The following CCDC192 variants were observed in gnomAD, a reference collection of about 807,000 sequenced individuals.
The protein encoded by CCDC192 is coiled-coil domain containing 192.
chr5:127,828,505 C>T (rs1210488197), intron 5 of CCDC192, among the ~76,000 whole-genome samples: 1 of 152,198 alleles, frequency 6.6e-6, no homozygotes, highest in South Asian at 2.1e-4. Context: ...GAGCCAGGCT[C>T]TGTGCACACA....
chr5:127,720,480 T>C (rs2126797956), intron 2 of CCDC192, among the ~76,000 whole-genome samples: 1 of 152,272 alleles, frequency 6.6e-6, no homozygotes, highest in Non-Finnish European at 1.5e-5. Flanking sequence ...TGGCATTGAG[T>C]GTGCCTGCAG....
At chr5:127,792,291 C>T (rs550771182) in intron 3 of CCDC192, among the ~76,000 whole-genome samples, 1 of 152,142 alleles carries the variant, frequency 6.6e-6, no homozygotes, top group South Asian at 2.1e-4. Flanking sequence ...GCAAACATGT[C>T]CTTCTTCATA....
At chr5:127,720,294 T>G (rs1323400391) in intron 2 of CCDC192, among the ~76,000 whole-genome samples, 1 of 152,212 alleles carries the variant, frequency 6.6e-6, no homozygotes. Flanking sequence ...AAAGGCCCCA[T>G]GCAAGTCCAA....
At chr5:127,920,988 G>A (rs1332387467) in intron 6 of CCDC192, among the ~76,000 whole-genome samples, 1 of 151,834 alleles carries the variant, frequency 6.6e-6, no homozygotes, top group Non-Finnish European at 1.5e-5. Flanking sequence ...AGTGAGTCAT[G>A]CTTGTACCAC....
At chr5:127,854,350 C>T (rs551942187) in intron 5 of CCDC192, among the ~76,000 whole-genome samples, 29 of 152,230 alleles carry the variant, frequency 1.9e-4, no homozygotes, top group Middle Eastern at 6.8e-3. Context: ...TACGGTTGCG[C>T]CTTCTGCAGT....
intron 5 of CCDC192, among the ~76,000 whole-genome samples, chr5:127,843,461 G>A (rs563960828): frequency 3.4e-5 from 5 of 145,858 alleles, no homozygotes; most frequent in African/African-American, 1.0e-4. Flanking sequence ...TTTTTGAGAC[G>A]GAATCTTGCT....
At chr5:127,861,157 T>G (rs1294322146) in intron 5 of CCDC192, among the ~76,000 whole-genome samples, 1 of 151,774 alleles carries the variant, frequency 6.6e-6, no homozygotes, top group Admixed American at 6.6e-5. Context: ...TACAGGCATG[T>G]GCCACCATGC....
intron 5 of CCDC192, among the ~76,000 whole-genome samples, chr5:127,819,587 A>C (rs183499808): frequency 2.0e-4 from 31 of 152,328 alleles, no homozygotes; most frequent in Admixed American, 7.8e-4. Flanking sequence ...CATCTTAGCA[A>C]ACATTTAATG....
chr5:127,761,888 A>G lies in CCDC192; in HGVS notation c.222+7513A>G, dbSNP rs1031324415. 3.9e-5 allele frequency among the ~76,000 whole-genome samples: 6 copies of G among 152,292 alleles called. No homozygotes were observed. In the East Asian group the frequency reaches 9.6e-4, roughly 24 times the overall value. On this transcript the variant is annotated intron_variant, in intron 3 of 6. Transcript: ENST00000514853. ...TGAATCATTTTATGCCTAAGGCCCT[A>G]ACAAAACTCCCATTATTTCTCTCTT...
chr5:127,761,811 C>G (rs1754948697), intron 3 of CCDC192, among the ~76,000 whole-genome samples: 1 of 152,008 alleles, frequency 6.6e-6, no homozygotes, highest in Non-Finnish European at 1.5e-5. Context: ...ACAAACAACG[C>G]CCCACCAAAA....
intron 5 of CCDC192, among the ~76,000 whole-genome samples, chr5:127,836,314 G>A (rs1292774490): frequency 6.6e-6 from 1 of 152,184 alleles, no homozygotes; most frequent in Non-Finnish European, 1.5e-5. Context: ...GCTTTGCAGG[G>A]TACAGCTTCC....
chr5:127,716,625 G>A (rs1054504450), intron 2 of CCDC192, among the ~76,000 whole-genome samples: 2 of 152,116 alleles, frequency 1.3e-5, no homozygotes, highest in Non-Finnish European at 2.9e-5. Flanking sequence ...TAGGTTGTAT[G>A]TGTCCAGGAA....
chr5:127,894,470 C>T (rs1334021096), intron 6 of CCDC192, among the ~76,000 whole-genome samples: 4 of 152,028 alleles, frequency 2.6e-5, no homozygotes, highest in Admixed American at 6.5e-5. Flanking sequence ...GGATTACACG[C>T]GTGAGCCACC....
At chr5:127,746,995 G>A (rs1753789798) in intron 2 of CCDC192, among the ~76,000 whole-genome samples, 2 of 151,722 alleles carry the variant, frequency 1.3e-5, no homozygotes, top group Non-Finnish European at 2.9e-5. Flanking sequence ...TGTAAAATCA[G>A]TGGTCTCATA....
At chr5:127,795,045 C>A (rs1206944475) in intron 3 of CCDC192, among the ~76,000 whole-genome samples, 1 of 152,112 alleles carries the variant, frequency 6.6e-6, no homozygotes, top group Non-Finnish European at 1.5e-5. Flanking sequence ...GTAACCCCAG[C>A]ACTTTGGGAG....
chr5:127,851,386 A>G (rs1428128930), intron 5 of CCDC192, among the ~76,000 whole-genome samples: 2 of 152,126 alleles, frequency 1.3e-5, no homozygotes, highest in Non-Finnish European at 2.9e-5. Context: ...AATATCAACT[A>G]TTTATGATAT....
chr5:127,779,801 T>C (rs1756086884), intron 3 of CCDC192, among the ~76,000 whole-genome samples: 1 of 152,116 alleles, frequency 6.6e-6, no homozygotes, highest in Non-Finnish European at 1.5e-5. Context: ...AGTTCTTTAG[T>C]GGTGATTTTT....
At chr5:127,842,970 T>C (rs541701522) in intron 5 of CCDC192, among the ~76,000 whole-genome samples, 1 of 152,010 alleles carries the variant, frequency 6.6e-6, no homozygotes, top group African/African-American at 2.4e-5. Context: ...TCATGGCATC[T>C]GTGATAGTGT....
chr5:127,755,226 A>G lies in CCDC192; in HGVS notation c.222+851A>G, dbSNP rs112543318. Among the ~76,000 whole-genome samples, 71 of 152,322 alleles carry G rather than the reference A, an allele frequency of 4.7e-4. 1 individual carries two copies. The South Asian group carries it at 5.2e-3, about 11-fold the overall frequency. On this transcript the variant is annotated intron_variant, in intron 3 of 6. Coordinates refer to ENST00000514853, the MANE Select transcript of CCDC192 (RefSeq NM_001317938.2). ...ACATTTAGATAAAAGTATATTTTAGATACATTGGAAAAAAAGAATTTTAAG... is the reference window on the plus strand; with the variant it reads ...ACATTTAGATAAAAGTATATTTTAGGTACATTGGAAAAAAAGAATTTTAAG...
Sources: allele counts gnomAD v4.1 joint callset (sites outside exome capture counted in the v4.1 genomes callset), GRCh38; gene constraint gnomAD v4.1.1; transcripts MANE v1.5; gene names NCBI Gene and HGNC (gene_info 2026-07-23, HGNC 2026-07-21).